AUH: variants seen among roughly 807,000 people sequenced by gnomAD.
AUH encodes methylglutaconyl-CoA hydratase, mitochondrial.
Under a neutral mutation model 42.3 loss-of-function variants are expected in AUH, and 29 were observed. The observed-to-expected ratio is 0.69, with a 90% CI of 0.51 to 0.93. The LOEUF (loss-of-function observed/expected upper bound fraction) is 0.93, where lower values mean the gene tolerates loss of function less well. Among genes scored for constraint, AUH ranks in the 40% least tolerant of loss-of-function variants. AUH has a pLI of 0.00. For missense variants in AUH, 452 were observed against 438.1 expected (o/e 1.03, Z -0.28); for synonymous variants, 174 against 166.4 (o/e 1.05, Z -0.35).
In AUH at chr9:91,214,131, ATACAC is replaced by A; in HGVS notation, c.*212_*216del. ...TCTAACTTTGATTCTGTTTCTGACT[ATACAC>A]TACTAGCTTTATAAATCTGAATGAA... On this transcript the variant is annotated 3_prime_UTR_variant, in exon 10 of 10. Coordinates refer to ENST00000375731, the MANE Select transcript of AUH (RefSeq NM_001698.3). The A allele has an allele frequency of 1.9e-6, 1 of 516,206 alleles. No individual in the cohort carries two copies. Among genetic ancestry groups the A allele is most frequent in the Non-Finnish European group, 3.5e-6 (1 of 286,158 alleles). The allele number at this position is 516,206 out of a possible 1,614,324, so 32.0% of individuals were successfully genotyped here. A position where few individuals can be genotyped will look rare whatever the true frequency, so the allele number is the denominator to read the frequency against.
intron 6 of AUH, among the ~76,000 whole-genome samples, chr9:91,264,168 C>G (rs1480967857): frequency 6.6e-6 from 1 of 151,958 alleles, no homozygotes; most frequent in African/African-American, 2.4e-5. Flanking sequence ...CAATTTAATA[C>G]CAGGCCAAGA....
At chr9:91,240,289 T>C (rs1828434391) in intron 6 of AUH, among the ~76,000 whole-genome samples, 1 of 152,210 alleles carries the variant, frequency 6.6e-6, no homozygotes, top group African/African-American at 2.4e-5. Flanking sequence ...TGTGCACCCC[T>C]CCGCCTTTGA....
chr9:91,221,039 G>A (rs1270928929), intron 6 of AUH, 47 bp from the exon 7 acceptor site: 1 of 1,586,560 alleles, frequency 6.3e-7, no homozygotes. Context: ...ACACCTGTTA[G>A]TTTTAACACT....
chr9:91,229,931 A>C (rs979054186), intron 6 of AUH, among the ~76,000 whole-genome samples: 1 of 152,100 alleles, frequency 6.6e-6, no homozygotes, highest in African/African-American at 2.4e-5. Context: ...ATTCGCTGTT[A>C]AGTCTGATGG....
At chr9:91,257,128 G>T (rs16907311) in intron 6 of AUH, among the ~76,000 whole-genome samples, 10,883 of 152,096 alleles carry the variant, frequency 0.072, 675 homozygotes, top group East Asian at 0.26. Context: ...AAGCTATATG[G>T]GAGGCTAAAA....
chr9:91,304,854 A>T (rs1274348003), intron 4 of AUH, among the ~76,000 whole-genome samples: 1 of 152,220 alleles, frequency 6.6e-6, no homozygotes, highest in African/African-American at 2.4e-5. Context: ...TATAATTTAA[A>T]ACTTGTGCAC....
In AUH at chr9:91,359,603, G is replaced by A. The variant is rs117659478; in HGVS notation, c.262+2025C>T. 4.0e-3 allele frequency among the ~76,000 whole-genome samples: 615 copies of A among 152,126 alleles called. 1 individual carries two copies. The highest frequency in any genetic ancestry group is 7.2e-3 in the Non-Finnish European group (490 of 67,990). On this transcript the variant is annotated intron_variant, in intron 1 of 9. Transcript: ENST00000375731. ...AAAAAAAGAAAAGAAAAGGAAATTT[G>A]GTTATAGAGCTATGCCTCCTACAAC...
chr9:91,351,654 G>A (rs914228783), intron 3 of AUH, among the ~76,000 whole-genome samples: 3 of 152,178 alleles, frequency 2.0e-5, no homozygotes, highest in African/African-American at 7.2e-5. Context: ...ACAGGCAAGG[G>A]AGCATTACTG....
intron 3 of AUH, among the ~76,000 whole-genome samples, chr9:91,337,286 A>T (rs1292080294): frequency 1.3e-5 from 2 of 152,246 alleles, no homozygotes; most frequent in African/African-American, 4.8e-5. Context: ...GAGTTACAGT[A>T]AAAATGCTTA....
At chr9:91,339,550 C>T (rs1270379876) in intron 3 of AUH, among the ~76,000 whole-genome samples, 2 of 152,152 alleles carry the variant, frequency 1.3e-5, no homozygotes, top group Non-Finnish European at 2.9e-5. Flanking sequence ...CATGTAAGTA[C>T]AGAAATGGTT....
At chr9:91,279,582 G>A (rs1241596865) in intron 6 of AUH, among the ~76,000 whole-genome samples, 1 of 152,116 alleles carries the variant, frequency 6.6e-6, no homozygotes, top group African/African-American at 2.4e-5. Flanking sequence ...GAGAGCAGGA[G>A]CAAGAGAGCA....
In AUH at chr9:91,286,930, T is replaced by C. The variant is rs115606174; in HGVS notation, c.655+9091A>G. 1.9e-3 allele frequency among the ~76,000 whole-genome samples: 283 copies of C among 152,196 alleles called. 2 individuals carry two copies. Among genetic ancestry groups the C allele is most frequent in the African/African-American group, 6.0e-3 (249 of 41,552 alleles). ...TGAAAATTGCTAAGAGTAGATCTTA[T>C]ATGTTCTCACCCCATATATACACAC... On this transcript the variant is annotated intron_variant, in intron 6 of 9. Transcript: ENST00000375731.
At chr9:91,347,588 T>C (rs529083361) in intron 3 of AUH, among the ~76,000 whole-genome samples, 1 of 152,306 alleles carries the variant, frequency 6.6e-6, no homozygotes, top group African/African-American at 2.4e-5. Flanking sequence ...CAAAAAGCAC[T>C]TGGACCATTC....
chr9:91,267,428 C>T (rs1223972031), intron 6 of AUH, among the ~76,000 whole-genome samples: 5 of 152,170 alleles, frequency 3.3e-5, no homozygotes, highest in Admixed American at 3.3e-4. Context: ...TCACCATTCA[C>T]CTGCTCCCTT....
intron 6 of AUH, among the ~76,000 whole-genome samples, chr9:91,242,987 T>A (rs1828602424): frequency 6.6e-6 from 1 of 152,188 alleles, no homozygotes; most frequent in African/African-American, 2.4e-5. Context: ...TATTAACAGG[T>A]AAATAACTAC....
intron 1 of AUH, chr9:91,360,528 C>T (rs1352172410): frequency 6.6e-6 from 1 of 152,230 alleles, no homozygotes; most frequent in African/African-American, 2.4e-5. Context: ...ACAATCTCAT[C>T]TCATCTTCAT....
chr9:91,238,719 C>T (rs1248827603), intron 6 of AUH, among the ~76,000 whole-genome samples: 2 of 152,152 alleles, frequency 1.3e-5, no homozygotes, highest in Non-Finnish European at 2.9e-5. Flanking sequence ...TAATCTCCTG[C>T]GATTATACTA....
At chr9:91,335,221 A>G (rs149867357) in intron 3 of AUH, among the ~76,000 whole-genome samples, 1 of 152,226 alleles carries the variant, frequency 6.6e-6, no homozygotes. Flanking sequence ...CTGTGTGGAA[A>G]GATCTTTAAC....
At chr9:91,285,945 A>T (rs1202281122) in intron 6 of AUH, among the ~76,000 whole-genome samples, 1 of 152,184 alleles carries the variant, frequency 6.6e-6, no homozygotes, top group African/African-American at 2.4e-5. Flanking sequence ...TTCTTTCTTC[A>T]CATCGGTAAA....
Sources: gnomAD v4.1 joint callset for allele counts (sites outside exome capture counted in the v4.1 genomes callset) on GRCh38, gnomAD v4.1.1 for gene constraint, MANE v1.5 for transcripts, NCBI Gene and HGNC (gene_info 2026-07-23, HGNC 2026-07-21) for gene names.